MYO1E: variants seen among roughly 807,000 people sequenced by gnomAD.
MYO1E encodes the protein unconventional myosin-Ie.
MYO1E carries 68 observed loss-of-function variants against 151.1 expected under a neutral mutation model. The ratio of observed to expected loss-of-function variants is 0.45; its 90% CI spans 0.37 to 0.55. The LOEUF (loss-of-function observed/expected upper bound fraction) is 0.55. MYO1E is among the 20% of genes least tolerant of loss of function. The probability of loss-of-function intolerance (pLI) is 0.00; values close to 1 mark genes in which losing one functional copy is unlikely to be tolerated. For missense variants in MYO1E, 1,363 were observed against 1,389.3 expected (o/e 0.98, Z 0.30); for synonymous variants, 601 against 501.7 (o/e 1.20, Z -2.64).
chr15:59,365,310 C>T (rs570252933), intron 1 of MYO1E, among the ~76,000 whole-genome samples: 19 of 152,216 alleles, frequency 1.2e-4, no homozygotes, highest in South Asian at 2.1e-4. Flanking sequence ...TTAGCCACCG[C>T]GCCCGGCTGA....
chr15:59,320,994 AAAAC>A (rs1284064610), intron 1 of MYO1E, among the ~76,000 whole-genome samples: 2 of 152,242 alleles, frequency 1.3e-5, no homozygotes, highest in Non-Finnish European at 1.5e-5. Context: ...AACAAGCAAA[AAAAC>A]AAACAATCCC....
At chr15:59,221,089 G>A (rs1377345504) in intron 9 of MYO1E, among the ~76,000 whole-genome samples, 3 of 146,116 alleles carry the variant, frequency 2.1e-5, no homozygotes, top group Non-Finnish European at 3.0e-5. Context: ...ATGGAGACTC[G>A]CTCGTTGCCC....
chr15:59,213,981 G>C (rs1020571690), intron 12 of MYO1E, among the ~76,000 whole-genome samples: 14 of 152,308 alleles, frequency 9.2e-5, no homozygotes, highest in South Asian at 2.1e-4. Flanking sequence ...TAGAGTAAAA[G>C]CAGCCAGTCT....
At chr15:59,338,726 G>A (rs1337619836) in intron 1 of MYO1E, among the ~76,000 whole-genome samples, 8 of 152,158 alleles carry the variant, frequency 5.3e-5, no homozygotes, top group African/African-American at 1.9e-4. Flanking sequence ...TAAAAATTTA[G>A]AATGATATGG....
intron 6 of MYO1E, among the ~76,000 whole-genome samples, chr15:59,229,369 G>A (rs532367121): frequency 2.0e-4 from 31 of 152,202 alleles, no homozygotes; most frequent in Non-Finnish European, 3.8e-4. Context: ...TGATTTTTAT[G>A]TGTGGTCAAG....
At chr15:59,337,065 G>A (rs2080733495) in intron 1 of MYO1E, among the ~76,000 whole-genome samples, 1 of 151,828 alleles carries the variant, frequency 6.6e-6, no homozygotes, top group African/African-American at 2.4e-5. Flanking sequence ...CCTCCTTGCA[G>A]TTACTGAATT....
chr15:59,207,969 C>T (rs1253356110), intron 14 of MYO1E: 1 of 1,613,972 alleles, frequency 6.2e-7, no homozygotes, highest in Admixed American at 1.7e-5. Flanking sequence ...TTCCTTGTAT[C>T]CTGGGAGAGA....
At chr15:59,247,050 G>T (rs1486837149) in intron 4 of MYO1E, among the ~76,000 whole-genome samples, 1 of 152,132 alleles carries the variant, frequency 6.6e-6, no homozygotes, top group African/African-American at 2.4e-5. Context: ...TTAAAAATTA[G>T]CCAGGCATGA....
chr15:59,265,107 C>T (rs1377509990), intron 2 of MYO1E: 1 of 152,172 alleles, frequency 6.6e-6, no homozygotes, highest in East Asian at 1.9e-4. Flanking sequence ...ACTGCTAGAA[C>T]CATCTTCACT....
Position 59,210,328 on chromosome 15 carries a change from A to C in MYO1E, c.1362+186T>G, listed in dbSNP as rs111625584. On this transcript the variant is annotated intron_variant, in intron 13 of 27. Coordinates refer to ENST00000288235, the MANE Select transcript of MYO1E (RefSeq NM_004998.4). ...ACATTTTACTCATATCCACATGTTC[A>C]TATTTACTGCCAGAATAAAGCCGTA... Among the ~76,000 whole-genome samples the C allele has an allele frequency of 0.012, 1,866 of 152,120 alleles. 20 individuals are homozygous for C. The highest frequency in any genetic ancestry group is 0.02 in the Middle Eastern group (6 of 294).
intron 1 of MYO1E, among the ~76,000 whole-genome samples, chr15:59,364,523 T>C (rs918612210): frequency 2.0e-5 from 3 of 152,132 alleles, no homozygotes; most frequent in Admixed American, 2.0e-4. Flanking sequence ...ATATAACAAA[T>C]ATGCTTATCA....
intron 17 of MYO1E, 79 bp from the exon 18 acceptor site, chr15:59,188,295 C>A (rs552375659): frequency 1.9e-5 from 21 of 1,110,854 alleles, no homozygotes; most frequent in South Asian, 1.6e-4. Context: ...ACCCCCAAGC[C>A]CCCAGTTCCA....
intron 7 of MYO1E, among the ~76,000 whole-genome samples, 176 bp downstream of exon 7, chr15:59,227,283 A>G (rs1566985410): frequency 6.6e-6 from 1 of 152,250 alleles, no homozygotes; most frequent in African/African-American, 2.4e-5. Flanking sequence ...CACTCCAATT[A>G]GAACTCACTC....
In MYO1E at chr15:59,261,428, G is replaced by C. The variant is rs1409227842; in HGVS notation, c.229C>G (p.Gln77Glu). Reference sequence around the variant, plus strand: ...TGTGACACGTAACTTACCGCTCCTTGGTACATTTCAATTTCCTTTTCCCCA... The same window carrying C: ...TGTGACACGTAACTTACCGCTCCTTCGTACATTTCAATTTCCTTTTCCCCA... ...YFGEKEIEMY[Q>E]GAAQYENPPH... Residue 77 changes from glutamine (Q) to glutamate (E), a missense_variant, in exon 3 of 28, where the codon CAA becomes GAA. Coordinates refer to ENST00000288235, the MANE Select transcript of MYO1E (RefSeq NM_004998.4). 1 of 1,605,212 alleles carries C rather than the reference G, an allele frequency of 6.2e-7. No homozygotes were observed. The highest frequency in any genetic ancestry group is 1.3e-5 in the African/African-American group (1 of 74,614).
chr15:59,200,818 A>G (rs1028895600), intron 16 of MYO1E, among the ~76,000 whole-genome samples: 2 of 149,322 alleles, frequency 1.3e-5, no homozygotes, highest in African/African-American at 2.6e-5. Flanking sequence ...ATATCTTAAG[A>G]TAGACTCTTA....
At chr15:59,356,995 T>G (rs1473644814) in intron 1 of MYO1E, among the ~76,000 whole-genome samples, 1 of 151,478 alleles carries the variant, frequency 6.6e-6, no homozygotes, top group African/African-American at 2.4e-5. Context: ...AACCTCCACC[T>G]CCCGGGTTCA....
At chr15:59,157,073 A>G (rs545628599) in intron 25 of MYO1E, among the ~76,000 whole-genome samples, 2 of 151,914 alleles carry the variant, frequency 1.3e-5, no homozygotes, top group Non-Finnish European at 2.9e-5. Context: ...GAGTAAAAAA[A>G]AAAAGAGCCA....
intron 1 of MYO1E, among the ~76,000 whole-genome samples, chr15:59,280,432 C>G (rs1396107876): frequency 6.6e-6 from 1 of 152,094 alleles, no homozygotes; most frequent in Non-Finnish European, 1.5e-5. Context: ...CAAGACCAGC[C>G]TGGTCAACAT....
In MYO1E at chr15:59,217,939, A is replaced by G; in HGVS notation, c.1059T>C (p.Asp353=). 1.9e-6 allele frequency: 3 copies of G among 1,614,134 alleles called. No individual in the cohort carries two copies. Among genetic ancestry groups the G allele is most frequent in the Non-Finnish European group, 2.5e-6 (3 of 1,180,006 alleles). The change falls in exon 10 of 28, where the codon GAT becomes GAC. Residue 353 remains aspartate, a synonymous_variant. Coordinates refer to ENST00000288235, the MANE Select transcript of MYO1E (RefSeq NM_004998.4). ...LNVEQACYTR[D]ALAKALHARV... is the part of the protein sequence containing the mutation. ...GGGCGTGCAGGGCCTTGGCGAGCGC[A>G]TCCCGGGTGTAACAGGCCTGCTCTA...
Sources: gnomAD v4.1 joint callset for allele counts (sites outside exome capture counted in the v4.1 genomes callset) on GRCh38, gnomAD v4.1.1 for gene constraint, MANE v1.5 for transcripts, NCBI Gene and HGNC (gene_info 2026-07-23, HGNC 2026-07-21) for gene names.